Variants in ST8SIA3 observed in about 807,000 individuals in gnomAD.
ST8SIA3 encodes the protein ST8 alpha-N-acetyl-neuraminide alpha-2,8-sialyltransferase 3.
In ST8SIA3, 17 loss-of-function variants were observed where a neutral mutation model predicts 34.5. The ratio of observed to expected loss-of-function variants is 0.49; its 90% CI spans 0.34 to 0.74. ST8SIA3 has a LOEUF of 0.74. Among genes scored for constraint, ST8SIA3 ranks in the 30% least tolerant of loss-of-function variants. The pLI, the probability that ST8SIA3 is intolerant of heterozygous loss-of-function variation, is 0.01. For missense variants in ST8SIA3, 354 were observed against 467.8 expected (o/e 0.76, Z 2.24); for synonymous variants, 172 against 176.1 (o/e 0.98, Z 0.19).
rs1001273892 is a variant in ST8SIA3 at position 57,367,189 on chromosome 18, A to G, written c.*6912A>G. 1.3e-5 allele frequency: 2 copies of G among 152,244 alleles called. No homozygotes were observed. The highest frequency in any genetic ancestry group is 6.5e-5 in the Admixed American group (1 of 15,280). 9.4% of individuals were successfully genotyped at this position (152,244 alleles called of 1,614,324 possible). A position where few individuals can be genotyped will look rare whatever the true frequency, so the allele number is the denominator to read the frequency against. ...GGACCAAATCTACTTCCGTTGCTATAATAAAATACCCTACAGGTTCTGTAA... is the reference window on the plus strand; with the variant it reads ...GGACCAAATCTACTTCCGTTGCTATGATAAAATACCCTACAGGTTCTGTAA... On this transcript the variant is annotated 3_prime_UTR_variant, in exon 4 of 4. Coordinates refer to ENST00000324000, the MANE Select transcript of ST8SIA3 (RefSeq NM_015879.3).
chr18:57,358,525 C>T (rs1281333974), intron 3 of ST8SIA3, among the ~76,000 whole-genome samples: 1 of 145,434 alleles, frequency 6.9e-6, no homozygotes, highest in Non-Finnish European at 1.5e-5. Flanking sequence ...GCCTAATAAA[C>T]TGGTTTGTAT....
At chr18:57,357,567 T>G (rs1598902843) in intron 3 of ST8SIA3, 97 bp downstream of exon 3, 1 of 959,568 alleles carries the variant, frequency 1.0e-6, no homozygotes, top group South Asian at 1.6e-5. Flanking sequence ...CATTAGTTGT[T>G]GTGGTGAGTT....
chr18:57,354,656 G>A (rs897928800), intron 2 of ST8SIA3, 132 bp downstream of exon 2: 36 of 1,048,564 alleles, frequency 3.4e-5, no homozygotes, highest in East Asian at 2.7e-5. Context: ...ACCATCAGGT[G>A]TATCTGCATT....
rs2049855352 is a variant in ST8SIA3 at position 57,365,427 on chromosome 18, C to G, written c.*5150C>G. ...TCAATTTAGTCAGAATGGATGCAAG[C>G]CCAAAGACAAGGTGGAGAGCAAGCT... On this transcript the variant is annotated 3_prime_UTR_variant, in exon 4 of 4. Transcript: ENST00000324000. The G allele has an allele frequency of 6.6e-6, 1 of 152,162 alleles. No individual in the cohort carries two copies. The highest frequency in any genetic ancestry group is 6.5e-5 in the Admixed American group (1 of 15,280). The allele number at this position is 152,162 out of a possible 1,614,324, so 9.4% of individuals were successfully genotyped here.
At chr18:57,359,124 A>C (rs1254212700) in intron 3 of ST8SIA3, among the ~76,000 whole-genome samples, 1 of 152,146 alleles carries the variant, frequency 6.6e-6, no homozygotes, top group Non-Finnish European at 1.5e-5. Flanking sequence ...TTCAATGAAA[A>C]CGGGAAGGAA....
In ST8SIA3 at chr18:57,366,230, G is replaced by T. The variant is rs2049859821; in HGVS notation, c.*5953G>T. The T allele has an allele frequency of 6.6e-6, 1 of 152,184 alleles. No individual in the cohort carries two copies. Among genetic ancestry groups the T allele is most frequent in the Non-Finnish European group, 1.5e-5 (1 of 68,024 alleles). The allele number at this position is 152,184 out of a possible 1,614,324, so 9.4% of individuals were successfully genotyped here. A position where few individuals can be genotyped will look rare whatever the true frequency, so the allele number is the denominator to read the frequency against. On this transcript the variant is annotated 3_prime_UTR_variant, in exon 4 of 4. Transcript: ENST00000324000. ...GACTTTTAAATGTCCCCTCCACCAA[G>T]GGAAGCATTTCCATGTTGGTTAGTT...
In ST8SIA3 at chr18:57,354,544, TC is replaced by T. The variant is rs1555668963; in HGVS notation, c.302+22del. ...TCAAAGGTAGGATAGGAGGAAAAGA[TC>T]CAAAAGGTGCTTTTAAGAATTCAAG... is the stretch of plus-strand genomic sequence containing the variant. On this transcript the variant is annotated intron_variant, in intron 2 of 3. Transcript: ENST00000324000. The T allele has an allele frequency of 6.2e-7, 1 of 1,613,046 alleles. No homozygotes were observed. Among genetic ancestry groups the T allele is most frequent in the Non-Finnish European group, 8.5e-7 (1 of 1,179,492 alleles).
chr18:57,357,710 G>A (rs546239671), intron 3 of ST8SIA3, among the ~76,000 whole-genome samples: 165 of 152,272 alleles, frequency 1.1e-3, no homozygotes, highest in African/African-American at 3.6e-3. Flanking sequence ...TCAGTCTCCC[G>A]TCTCTATTCT....
At position 57,360,054 on chromosome 18, in the gene ST8SIA3, C is replaced by T; in HGVS notation, c.920C>T (p.Thr307Ile). 1 of 1,614,084 alleles carries T rather than the reference C, an allele frequency of 6.2e-7. No homozygotes were observed. Among genetic ancestry groups the T allele is most frequent in the Non-Finnish European group, 8.5e-7 (1 of 1,179,982 alleles). The change falls in exon 4 of 4, where the codon ACC becomes ATC. Residue 307 changes from threonine to isoleucine, a missense_variant. Physicochemically the swap from Thr to Ile is moderately conservative, Grantham distance 89. Transcript: ENST00000324000. ...KRLSTGILMY[T>I]LASAICEEIH... ...CTGAGCACAGGTATTCTTATGTACACCCTTGCATCAGCAATATGTGAAGAG... is the reference window on the plus strand; with the variant it reads ...CTGAGCACAGGTATTCTTATGTACATCCTTGCATCAGCAATATGTGAAGAG...
chr18:57,354,904 T>C (rs959508732), intron 2 of ST8SIA3, among the ~76,000 whole-genome samples: 1 of 150,238 alleles, frequency 6.7e-6, no homozygotes, highest in Non-Finnish European at 1.5e-5. Context: ...GACCACCCAA[T>C]GCATTTTCAT....
chr18:57,358,777 T>G (rs146042852), intron 3 of ST8SIA3, among the ~76,000 whole-genome samples: 7 of 152,314 alleles, frequency 4.6e-5, no homozygotes, highest in African/African-American at 1.4e-4. Flanking sequence ...CTGCCCTAAA[T>G]GAGCAAGACT....
Position 57,352,970 on chromosome 18 carries a change from C to G in ST8SIA3, c.124C>G (p.Pro42Ala). ...SLKKENIFTT[P>A]KYASPGAPRM... is the part of the protein sequence containing the mutation. ...GAAAAAGGAGAACATCTTCACCACT[C>G]CCAAGTACGCCAGCCCGGGGGCGCC... The change falls in exon 1 of 4, where the codon CCC becomes GCC. Residue 42 changes from proline to alanine, a missense_variant. Physicochemically the swap from Pro to Ala is conservative, Grantham distance 27. Coordinates refer to ENST00000324000, the MANE Select transcript of ST8SIA3 (RefSeq NM_015879.3). 6.2e-7 allele frequency: 1 copy of G among 1,612,864 alleles called. No individual in the cohort carries two copies. The highest frequency in any genetic ancestry group is 8.5e-7 in the Non-Finnish European group (1 of 1,179,970).
intron 3 of ST8SIA3, 70 bp downstream of exon 3, chr18:57,357,540 G>T: frequency 8.0e-7 from 1 of 1,253,628 alleles, no homozygotes; most frequent in Non-Finnish European, 1.1e-6. Context: ...TCTCTTGGGG[G>T]TGGGAGCCAT....
chr18:57,354,321 C>T, intron 1 of ST8SIA3, 81 bp from the exon 2 acceptor site: 3 of 1,588,150 alleles, frequency 1.9e-6, no homozygotes, highest in Non-Finnish European at 2.6e-6. Context: ...CGCCCTCGCC[C>T]CAGCCGCTGC....
rs905705150 is a variant in ST8SIA3 at position 57,362,390 on chromosome 18, G to GC, written c.*2116dup. The GC allele has an allele frequency of 6.6e-6, 1 of 152,148 alleles. No homozygotes were observed. The highest frequency in any genetic ancestry group is 2.4e-5 in the African/African-American group (1 of 41,426). 9.4% of individuals were successfully genotyped at this position (152,148 alleles called of 1,614,324 possible). A position where few individuals can be genotyped will look rare whatever the true frequency, so the allele number is the denominator to read the frequency against. On this transcript the variant is annotated 3_prime_UTR_variant, in exon 4 of 4. Transcript: ENST00000324000. Reference sequence around the variant, plus strand: ...GACTCTGGAGTTTTAATCCCAATGTGCCCATTCATTTTCACTAAATATAAA... The same window carrying GC: ...GACTCTGGAGTTTTAATCCCAATGTGCCCCATTCATTTTCACTAAATATAAA...
chr18:57,354,414 G>A lies in ST8SIA3; in HGVS notation c.192G>A (p.Ala64=), dbSNP rs563904315. Residue 64 remains alanine, a synonymous_variant, in exon 2 of 4, where the codon GCG becomes GCA. Transcript: ENST00000324000. ...TGCTCCTCTCCAGGTCACAATTTGCGCTGAAGTTTCTAGACCCGTCATTCG... is the reference window on the plus strand; with the variant it reads ...TGCTCCTCTCCAGGTCACAATTTGCACTGAAGTTTCTAGACCCGTCATTCG... The part of the protein sequence containing the change: ...MFHAGFRSQF[A]LKFLDPSFVP... 4.3e-6 allele frequency: 7 copies of A among 1,614,058 alleles called. No homozygotes were observed. In the South Asian group the frequency reaches 7.7e-5, roughly 18 times the overall value.
chr18:57,361,514 A>G lies in ST8SIA3; in HGVS notation c.*1237A>G, dbSNP rs971015688. The G allele has an allele frequency of 3.3e-5, 5 of 152,790 alleles. No homozygotes were observed. The highest frequency in any genetic ancestry group is 3.4e-3 in the Middle Eastern group (1 of 294). The allele number at this position is 152,790 out of a possible 1,614,324, so 9.5% of individuals were successfully genotyped here. ...CCCTCTTTCCACTGAAGTCAGATCT[A>G]TACAACTACAAATTAAGCATTTCAA... On this transcript the variant is annotated 3_prime_UTR_variant, in exon 4 of 4. Coordinates refer to ENST00000324000, the MANE Select transcript of ST8SIA3 (RefSeq NM_015879.3).
rs2049824214 is a variant in ST8SIA3 at position 57,360,485 on chromosome 18, A to AT, written c.*210dup. The AT allele has an allele frequency of 5.3e-6, 3 of 562,094 alleles. No individual in the cohort carries two copies. Among genetic ancestry groups the AT allele is most frequent in the Non-Finnish European group, 9.4e-6 (3 of 320,384 alleles). 34.8% of individuals were successfully genotyped at this position (562,094 alleles called of 1,614,324 possible). A position where few individuals can be genotyped will look rare whatever the true frequency, so the allele number is the denominator to read the frequency against. Reference sequence around the variant, plus strand: ...ATTGAAGCCACATGGTTTAGACTTGATTGATAAAGGGAATGTTGCATTTGG... The same window carrying AT: ...ATTGAAGCCACATGGTTTAGACTTGATTTGATAAAGGGAATGTTGCATTTGG... On this transcript the variant is annotated 3_prime_UTR_variant, in exon 4 of 4. Transcript: ENST00000324000.
At position 57,367,710 on chromosome 18, in the gene ST8SIA3, G is replaced by A. The variant is rs899626292; in HGVS notation, c.*7433G>A. On this transcript the variant is annotated 3_prime_UTR_variant, in exon 4 of 4. Coordinates refer to ENST00000324000, the MANE Select transcript of ST8SIA3 (RefSeq NM_015879.3). ...AGAAGAGGGAGGTTTCCCTCTGAAG[G>A]AATCTAGACCATTTTTTAATATGGA... 5.9e-5 allele frequency: 9 copies of A among 152,448 alleles called. No individual in the cohort carries two copies. Among genetic ancestry groups the A allele is most frequent in the African/African-American group, 2.2e-4 (9 of 41,464 alleles). The allele number at this position is 152,448 out of a possible 1,614,324, so 9.4% of individuals were successfully genotyped here.
Sources: allele counts gnomAD v4.1 joint callset (sites outside exome capture counted in the v4.1 genomes callset), GRCh38; gene constraint gnomAD v4.1.1; transcripts MANE v1.5; gene names NCBI Gene and HGNC (gene_info 2026-07-23, HGNC 2026-07-21).